Variants in RYR3 observed in about 807,000 individuals in gnomAD.
The protein encoded by RYR3 is ryanodine receptor 3.
In RYR3, 207 loss-of-function variants were observed where a neutral mutation model predicts 584.3. The ratio of observed to expected loss-of-function variants is 0.35; its 90% CI spans 0.32 to 0.40. The LOEUF is 0.40. Ranked by LOEUF, RYR3 falls within the 10% of genes least tolerant of loss-of-function variation. The pLI, the probability that RYR3 is intolerant of heterozygous loss-of-function variation, is 1.00. For missense variants in RYR3, 5,616 were observed against 6,089.2 expected (o/e 0.92, Z 2.59); for synonymous variants, 2,416 against 2,248.5 (o/e 1.07, Z -2.11).
chr15:33,528,491 A>G (rs2054582198), intron 3 of RYR3, among the ~76,000 whole-genome samples: 1 of 152,132 alleles, frequency 6.6e-6, no homozygotes, highest in Non-Finnish European at 1.5e-5. Flanking sequence ...CTCCTAGTCT[A>G]TTTCAATACT....
intron 38 of RYR3, among the ~76,000 whole-genome samples, chr15:33,687,959 C>T (rs999493244): frequency 1.7e-4 from 26 of 152,046 alleles, no homozygotes; most frequent in East Asian, 3.9e-4. Context: ...CCATAAAAAC[C>T]GTAGAAGAAA....
At chr15:33,327,074 A>G (rs1211121149) in intron 1 of RYR3, among the ~76,000 whole-genome samples, 1 of 152,060 alleles carries the variant, frequency 6.6e-6, no homozygotes, top group Non-Finnish European at 1.5e-5. Flanking sequence ...GACGAGACGC[A>G]TGTTACATCT....
chr15:33,422,669 C>T (rs920301702), intron 1 of RYR3, among the ~76,000 whole-genome samples: 5 of 152,050 alleles, frequency 3.3e-5, no homozygotes, highest in African/African-American at 1.2e-4. Context: ...GAGAACCTCG[C>T]ACATCCTGGG....
chr15:33,328,844 G>C (rs1567034438), intron 1 of RYR3, among the ~76,000 whole-genome samples: 1 of 151,952 alleles, frequency 6.6e-6, no homozygotes, highest in South Asian at 2.1e-4. Flanking sequence ...TTCATCCTTT[G>C]CTTACTTTTT....
intron 78 of RYR3, 136 bp from the exon 79 acceptor site, chr15:33,821,134 C>T: frequency 3.0e-6 from 2 of 669,342 alleles, no homozygotes; most frequent in South Asian, 1.8e-5. Context: ...AAATAAACTT[C>T]AGAAGTCTGC....
intron 43 of RYR3, among the ~76,000 whole-genome samples, chr15:33,717,545 A>C (rs2067588895): frequency 6.6e-6 from 1 of 151,738 alleles, no homozygotes; most frequent in African/African-American, 2.4e-5. Flanking sequence ...GCCACTTTCT[A>C]CTCCAAGTTG....
chr15:33,860,130 C>A (rs2080179704), intron 100 of RYR3, among the ~76,000 whole-genome samples: 1 of 152,086 alleles, frequency 6.6e-6, no homozygotes, highest in South Asian at 2.1e-4. Context: ...TAGTCAACAG[C>A]TTGTCAAGAT....
intron 5 of RYR3, among the ~76,000 whole-genome samples, chr15:33,538,848 T>G (rs1296075770): frequency 6.6e-6 from 1 of 152,190 alleles, no homozygotes; most frequent in Non-Finnish European, 1.5e-5. Flanking sequence ...AAATGTCAAT[T>G]TATCTTCTTT....
At chr15:33,356,039 C>T (rs755759430) in intron 1 of RYR3, among the ~76,000 whole-genome samples, 3 of 152,074 alleles carry the variant, frequency 2.0e-5, no homozygotes, top group Non-Finnish European at 4.4e-5. Flanking sequence ...AGATGGATGG[C>T]GGGGGGTTCT....
At chr15:33,616,109 A>G (rs867855193) in intron 19 of RYR3, among the ~76,000 whole-genome samples, 3 of 152,010 alleles carry the variant, frequency 2.0e-5, no homozygotes, top group Non-Finnish European at 2.9e-5. Context: ...GCCCATGTCC[A>G]CTCATGGTTT....
At chr15:33,550,969 G>A (rs968171786) in intron 10 of RYR3, among the ~76,000 whole-genome samples, 4 of 152,024 alleles carry the variant, frequency 2.6e-5, no homozygotes, top group Non-Finnish European at 5.9e-5. Context: ...GGATCCTCTG[G>A]TAGTTAGGTT....
At chr15:33,792,384 C>T (rs1257201588) in intron 67 of RYR3, among the ~76,000 whole-genome samples, 1 of 152,102 alleles carries the variant, frequency 6.6e-6, no homozygotes, top group Non-Finnish European at 1.5e-5. Flanking sequence ...GAGGGGCACC[C>T]AGAATCCTCA....
intron 1 of RYR3, among the ~76,000 whole-genome samples, chr15:33,399,155 CT>C (rs955248529): frequency 2.4e-4 from 37 of 152,058 alleles, no homozygotes; most frequent in African/African-American, 8.2e-4. Flanking sequence ...ACAAGTGACC[CT>C]TTTTTTTAAG....
At chr15:33,602,118 C>T (rs913108723) in intron 17 of RYR3, among the ~76,000 whole-genome samples, 24 of 152,260 alleles carry the variant, frequency 1.6e-4, no homozygotes, top group African/African-American at 5.3e-4. Context: ...GGTTTTGTAG[C>T]CACTTTCTAC....
chr15:33,680,324 C>T (rs1289481481), intron 38 of RYR3, among the ~76,000 whole-genome samples: 1 of 152,206 alleles, frequency 6.6e-6, no homozygotes. Flanking sequence ...GGAAGCCCAA[C>T]TCAGGTAGAA....
At chr15:33,779,453 T>C (rs926421293) in intron 64 of RYR3, among the ~76,000 whole-genome samples, 3 of 152,178 alleles carry the variant, frequency 2.0e-5, no homozygotes, top group African/African-American at 7.2e-5. Context: ...TTAGGACCTA[T>C]TGTTTCTGTT....
intron 12 of RYR3, among the ~76,000 whole-genome samples, chr15:33,568,947 C>G (rs1482389833): frequency 6.6e-6 from 1 of 152,118 alleles, no homozygotes; most frequent in Non-Finnish European, 1.5e-5. Flanking sequence ...TTGAATCTGG[C>G]CTTTTCACTT....
intron 103 of RYR3, 36 bp from the exon 104 acceptor site, chr15:33,865,095 T>C: frequency 6.5e-7 from 1 of 1,545,786 alleles, no homozygotes; most frequent in Non-Finnish European, 8.9e-7. Flanking sequence ...TTTACTGTGG[T>C]TTAAAAATAA....
At chr15:33,646,737 A>C (rs1413303952) in intron 29 of RYR3, among the ~76,000 whole-genome samples, 2 of 152,270 alleles carry the variant, frequency 1.3e-5, no homozygotes, top group African/African-American at 4.8e-5. Flanking sequence ...GGCACCAATC[A>C]TGCTAAACAG....
Sources: gnomAD v4.1 joint callset for allele counts (sites outside exome capture counted in the v4.1 genomes callset) on GRCh38, gnomAD v4.1.1 for gene constraint, MANE v1.5 for transcripts, NCBI Gene and HGNC (gene_info 2026-07-23, HGNC 2026-07-21) for gene names.